CAST: variants seen among roughly 807,000 people sequenced by gnomAD.
CAST encodes calpastatin.
In CAST, 76 loss-of-function variants were observed where a neutral mutation model predicts 119.6. The observed-to-expected ratio is 0.64, with a 90% CI of 0.53 to 0.77. CAST has a LOEUF of 0.77. Among genes scored for constraint, CAST ranks in the 30% least tolerant of loss-of-function variants. The pLI is 0.00. For synonymous variants in CAST, 319 were observed against 331.6 expected (o/e 0.96, Z 0.41); for missense variants, 953 against 946.5 (o/e 1.01, Z -0.09).
intron 1 of CAST, among the ~76,000 whole-genome samples, chr5:96,669,107 T>A (rs1398637383): frequency 6.6e-6 from 1 of 152,142 alleles, no homozygotes; most frequent in Admixed American, 6.5e-5. Flanking sequence ...CCACTACAAT[T>A]TGAACACAGC....
At chr5:96,558,501 C>T (rs576082934) in intron 1 of CAST, among the ~76,000 whole-genome samples, 22 of 152,080 alleles carry the variant, frequency 1.4e-4, no homozygotes, top group East Asian at 3.9e-4. Flanking sequence ...ATCAAATAGA[C>T]GCACTAAAAA....
intron 1 of CAST, among the ~76,000 whole-genome samples, chr5:96,564,094 TGCATAATG>T (rs1746429325): frequency 1.3e-5 from 2 of 152,230 alleles, no homozygotes; most frequent in South Asian, 4.1e-4. Flanking sequence ...CCCTGACCGC[TGCATAATG>T]GCTTTTGCCT....
chr5:96,351,693 A>G, the CAST span, among the ~76,000 whole-genome samples: 1 of 152,110 alleles, frequency 6.6e-6, no homozygotes, highest in Non-Finnish European at 1.5e-5. Context: ...GTGTGGGTGT[A>G]ATGAGAAAAA....
chr5:96,680,338 G>C (rs1205387279), intron 2 of CAST, among the ~76,000 whole-genome samples: 1 of 92,194 alleles, frequency 1.1e-5, no homozygotes, highest in African/African-American at 5.0e-5. Context: ...CTGGGCAACA[G>C]AACGAGACTC....
At chr5:96,443,086 A>G in the CAST span, among the ~76,000 whole-genome samples, 2 of 152,206 alleles carry the variant, frequency 1.3e-5, no homozygotes, top group African/African-American at 4.8e-5. Flanking sequence ...AAAACAGAGT[A>G]ATGACTCAAT....
At position 96,767,603 on chromosome 5, in the gene CAST, G is replaced by A. The variant is rs1770456768; in HGVS notation, c.2175+121G>A. ...ACTCTGTGCCTGGTACTTTGTCAAA[G>A]CATGCATATAAATGTGTGTGACTAT... On this transcript the variant is annotated intron_variant, in intron 28 of 31. Coordinates refer to ENST00000675179, the MANE Select transcript of CAST (RefSeq NM_001750.7). 8.2e-6 allele frequency: 6 copies of A among 727,826 alleles called. No individual in the cohort carries two copies. In the Admixed American group the frequency reaches 1.4e-4, roughly 17 times the overall value. 45.1% of individuals were successfully genotyped at this position (727,826 alleles called of 1,614,324 possible). A position where few individuals can be genotyped will look rare whatever the true frequency, so the allele number is the denominator to read the frequency against.
chr5:96,340,413 G>A, the CAST span, among the ~76,000 whole-genome samples: 3 of 150,336 alleles, frequency 2.0e-5, no homozygotes, highest in African/African-American at 7.4e-5. Context: ...GTTCTGAGTT[G>A]CTTTGGCTGA....
Position 96,546,934 on chromosome 5 carries a change from G to T in CAST, c.60+17054G>T, listed in dbSNP as rs190387075. On this transcript the variant is annotated intron_variant, in intron 1 of 11. Coordinates refer to the CAST transcript ENST00000505143. ...CAAGATCTCTCCAGACTGTAGTATTGCAGAGAGCAGGAAAACTGACATAGC... is the reference window on the plus strand; with the variant it reads ...CAAGATCTCTCCAGACTGTAGTATTTCAGAGAGCAGGAAAACTGACATAGC... Among the ~76,000 whole-genome samples the T allele has an allele frequency of 2.4e-3, 367 of 152,302 alleles. 2 individuals are homozygous for T. Among genetic ancestry groups the T allele is most frequent in the African/African-American group, 8.6e-3 (358 of 41,568 alleles).
At chr5:96,407,483 A>G in the CAST span, among the ~76,000 whole-genome samples, 57 of 150,952 alleles carry the variant, frequency 3.8e-4, 1 homozygote, top group Non-Finnish European at 1.9e-4. Flanking sequence ...TTTCACACAT[A>G]TATTCCTGGA....
the CAST span, among the ~76,000 whole-genome samples, chr5:96,222,746 C>T: frequency 6.6e-6 from 1 of 152,050 alleles, no homozygotes; most frequent in Non-Finnish European, 1.5e-5. Flanking sequence ...ACCCAGCAAT[C>T]CCTCCCCTCT....
At chr5:96,647,238 C>T (rs909178646) in intron 1 of CAST, among the ~76,000 whole-genome samples, 2 of 152,226 alleles carry the variant, frequency 1.3e-5, no homozygotes, top group African/African-American at 4.8e-5. Flanking sequence ...TTCGGTATAT[C>T]GTTTTTGTTA....
chr5:96,620,369 C>G (rs1193793374), intron 1 of CAST, among the ~76,000 whole-genome samples: 2 of 150,774 alleles, frequency 1.3e-5, no homozygotes, highest in Non-Finnish European at 2.9e-5. Flanking sequence ...ATTCAGTCGA[C>G]ATTGTAGTTA....
the CAST span, among the ~76,000 whole-genome samples, chr5:96,354,552 TAAA>T: frequency 6.8e-6 from 1 of 146,618 alleles, no homozygotes; most frequent in Non-Finnish European, 1.5e-5. Context: ...TGTTGAAATG[TAAA>T]AAAAAAAATG....
chr5:96,265,904 C>T, the CAST span, among the ~76,000 whole-genome samples: 3 of 151,946 alleles, frequency 2.0e-5, no homozygotes, highest in African/African-American at 7.3e-5. Context: ...TTTCACTTAG[C>T]AATTTTCATT....
the CAST span, among the ~76,000 whole-genome samples, chr5:96,040,971 G>A: frequency 1.3e-5 from 2 of 152,072 alleles, no homozygotes; most frequent in African/African-American, 2.4e-5. Flanking sequence ...TGTACCTCTT[G>A]TAGAATTCGG....
the CAST span, among the ~76,000 whole-genome samples, chr5:96,450,945 A>G: frequency 6.6e-6 from 1 of 152,164 alleles, no homozygotes; most frequent in African/African-American, 2.4e-5. Context: ...ATTGAATCAG[A>G]CTAAACTGAA....
intron 28 of CAST, 42 bp from the exon 29 acceptor site, chr5:96,767,865 C>A: frequency 7.6e-7 from 1 of 1,317,616 alleles, no homozygotes; most frequent in South Asian, 1.2e-5. Flanking sequence ...TGCATTTTGC[C>A]TTCTGCTTCT....
At chr5:96,748,820 C>G in intron 19 of CAST, 1 of 450,474 alleles carries the variant, frequency 2.2e-6, no homozygotes, top group Non-Finnish European at 4.0e-6. Context: ...TGCAATGACT[C>G]CTTCGGAAAG....
chr5:96,398,519 G>T, the CAST span, among the ~76,000 whole-genome samples: 635 of 152,166 alleles, frequency 4.2e-3, 3 homozygotes, highest in Middle Eastern at 0.01. Flanking sequence ...TGTATGTTTC[G>T]GATATATCTG....
Sources: allele counts gnomAD v4.1 joint callset (sites outside exome capture counted in the v4.1 genomes callset), GRCh38; gene constraint gnomAD v4.1.1; transcripts MANE v1.5; gene names NCBI Gene and HGNC (gene_info 2026-07-23, HGNC 2026-07-21).